LCT: variants seen among roughly 807,000 people sequenced by gnomAD.
LCT encodes the protein lactase/phlorizin hydrolase.
Under a neutral mutation model 173.0 loss-of-function variants are expected in LCT, and 90 were observed. That is an observed-to-expected ratio of 0.52 (90% CI 0.44 to 0.62). The LOEUF (loss-of-function observed/expected upper bound fraction) is 0.62, where lower values mean the gene tolerates loss of function less well. Among genes scored for constraint, LCT ranks in the 20% least tolerant of loss-of-function variants. The probability of loss-of-function intolerance (pLI) is 0.00; values close to 1 mark genes in which losing one functional copy is unlikely to be tolerated. For missense variants in LCT, 1,864 were observed against 2,431.4 expected (o/e 0.77, Z 4.91); for synonymous variants, 853 against 957.6 (o/e 0.89, Z 2.02).
rs1489291223 is a variant in LCT, at chr2:135,800,166, G to A, written c.4866+441C>T. Among the ~76,000 whole-genome samples, 8 of 152,144 alleles carry A rather than the reference G, an allele frequency of 5.3e-5. No individual in the cohort carries two copies. The South Asian group carries it at 1.4e-3, about 28-fold the overall frequency. On this transcript the variant is annotated intron_variant, in intron 12 of 16. Coordinates refer to ENST00000264162, the MANE Select transcript of LCT (RefSeq NM_002299.4). ...TTTGAAGTTGAGGAAACTAAGGTAC[G>A]AAAAAGTTAGATGATTTTCCCAAGC...
In LCT at chr2:135,817,488, C is replaced by T; in HGVS notation, c.1560G>A (p.Leu520=). ...TGGAGAAGCAGAAGGCCGCATAGTC[C>T]AGGAAGGCATCCACCACGCTCTCAT... The part of the protein sequence containing the change: ...WQNESVVDAF[L]DYAAFCFSTF... Residue 520 remains leucine, a synonymous_variant, in exon 6 of 17, where the codon CTG becomes CTA. Transcript: ENST00000264162. 6.2e-7 allele frequency: 1 copy of T among 1,614,202 alleles called. No individual in the cohort carries two copies. The highest frequency in any genetic ancestry group is 2.2e-5 in the East Asian group (1 of 44,864).
At chr2:135,833,734 C>A (rs916491956) in intron 1 of LCT, among the ~76,000 whole-genome samples, 1 of 151,920 alleles carries the variant, frequency 6.6e-6, no homozygotes, top group African/African-American at 2.4e-5. Context: ...GCGTGAGCCA[C>A]CGCGCCCGGC....
chr2:135,813,984 A>C (rs1364980260), intron 6 of LCT, among the ~76,000 whole-genome samples: 1 of 152,232 alleles, frequency 6.6e-6, no homozygotes, highest in Non-Finnish European at 1.5e-5. Flanking sequence ...TAACTTGTTA[A>C]CTTGGACAAT....
chr2:135,834,407 G>A (rs151106212), intron 1 of LCT, among the ~76,000 whole-genome samples: 1 of 150,442 alleles, frequency 6.6e-6, no homozygotes. Flanking sequence ...GGATGGTCTC[G>A]ATCTTCTGAC....
chr2:135,798,090 T>A lies in LCT; in HGVS notation c.4915A>T (p.Asn1639Tyr), dbSNP rs1176725189. 6.2e-7 allele frequency: 1 copy of A among 1,612,630 alleles called. No homozygotes were observed. The highest frequency in any genetic ancestry group is 8.5e-7 in the Non-Finnish European group (1 of 1,178,806). Residue 1639 changes from asparagine to tyrosine, a missense_variant, in exon 13 of 17, where the codon AAT (asparagine) becomes TAT (tyrosine). Physicochemically the swap from Asn to Tyr is moderately radical, Grantham distance 143 (BLOSUM62 -2). Coordinates refer to ENST00000264162, the MANE Select transcript of LCT (RefSeq NM_002299.4). ...AHPIFKNGDYNEVMKTRIRDR... is the reference protein window; with the variant it reads ...AHPIFKNGDYYEVMKTRIRDR... Reference sequence around the variant, plus strand: ...CGGATCCGCGTCTTCATCACCTCATTGTAATCTCCATTCTTGAAAATAGGA... The same window carrying A: ...CGGATCCGCGTCTTCATCACCTCATAGTAATCTCCATTCTTGAAAATAGGA...
chr2:135,829,884 T>C (rs945362575), intron 2 of LCT, among the ~76,000 whole-genome samples: 41 of 150,042 alleles, frequency 2.7e-4, no homozygotes, highest in African/African-American at 8.8e-4. Context: ...TGTGCCTGTA[T>C]GTTGTTGGGA....
chr2:135,823,581 A>G (rs1282160610), intron 4 of LCT, among the ~76,000 whole-genome samples: 2 of 152,172 alleles, frequency 1.3e-5, no homozygotes, highest in African/African-American at 4.8e-5. Flanking sequence ...CAGAGATGAG[A>G]GACCTTGGAG....
At chr2:135,799,346 G>A (rs1245144424) in intron 12 of LCT, among the ~76,000 whole-genome samples, 2 of 152,144 alleles carry the variant, frequency 1.3e-5, no homozygotes, top group Non-Finnish European at 2.9e-5. Context: ...ATGTAGGAGA[G>A]AGCACCTTCT....
intron 3 of LCT, 128 bp downstream of exon 3, chr2:135,829,465 C>T: frequency 1.3e-6 from 1 of 771,374 alleles, no homozygotes; most frequent in Non-Finnish European, 2.3e-6. Context: ...TCTCCCCAGA[C>T]ACAACTCAGC....
chr2:135,818,527 A>C (rs1166330815), intron 5 of LCT, among the ~76,000 whole-genome samples: 1 of 152,216 alleles, frequency 6.6e-6, no homozygotes, highest in Non-Finnish European at 1.5e-5. Flanking sequence ...CTCATCCTAC[A>C]CAGGAGGAAA....
Position 135,789,559 on chromosome 2 carries a change from G to A in LCT, c.5563+12C>T. 1 of 1,602,098 alleles carries A rather than the reference G, an allele frequency of 6.2e-7. No individual in the cohort carries two copies. Among genetic ancestry groups the A allele is most frequent in the Non-Finnish European group, 8.5e-7 (1 of 1,169,746 alleles). ...CCCTTAGGCTTTATTCCCTCCCAGA[G>A]CCACATCTCACCTGGCTGGTGGAGA... On this transcript the variant is annotated intron_variant, in intron 16 of 16. Coordinates refer to ENST00000264162, the MANE Select transcript of LCT (RefSeq NM_002299.4).
In LCT at chr2:135,824,020, C is replaced by A; in HGVS notation, c.805-17G>T. On this transcript the variant is annotated splice_polypyrimidine_tract_variant and intron_variant, in intron 3 of 16. Transcript: ENST00000264162. ...CTCAATGGTCTGAAAAAGAGAAGGA[C>A]CAGCAAGTGAACTGAAGCCTCCTGG... 1 of 1,550,830 alleles carries A rather than the reference C, an allele frequency of 6.4e-7. No homozygotes were observed. The highest frequency in any genetic ancestry group is 8.9e-7 in the Non-Finnish European group (1 of 1,122,346).
chr2:135,832,630 A>ATGCATCACCATGCCT (rs1282463437), intron 2 of LCT, among the ~76,000 whole-genome samples: 1 of 151,680 alleles, frequency 6.6e-6, no homozygotes, highest in East Asian at 2.0e-4. Flanking sequence ...AACTACAGGC[A>ATGCATCACCATGCCT]TGCATCACCA....
At chr2:135,792,947 G>A (rs2077544189) in intron 14 of LCT, among the ~76,000 whole-genome samples, 1 of 152,166 alleles carries the variant, frequency 6.6e-6, no homozygotes, top group Non-Finnish European at 1.5e-5. Context: ...GGCAGTGGAA[G>A]GGGAAAGCAC....
At chr2:135,831,525 T>C (rs928040385) in intron 2 of LCT, among the ~76,000 whole-genome samples, 1 of 152,200 alleles carries the variant, frequency 6.6e-6, no homozygotes, top group Non-Finnish European at 1.5e-5. Flanking sequence ...CAGCATGGAC[T>C]GGGGCAGATA....
intron 6 of LCT, among the ~76,000 whole-genome samples, chr2:135,814,093 C>T (rs1246304831): frequency 6.6e-6 from 1 of 152,184 alleles, no homozygotes; most frequent in Non-Finnish European, 1.5e-5. Flanking sequence ...TGAGCAGAAA[C>T]TCAGAGAGCA....
intron 13 of LCT, among the ~76,000 whole-genome samples, chr2:135,795,051 A>G (rs1387577233): frequency 1.3e-5 from 2 of 152,078 alleles, no homozygotes; most frequent in African/African-American, 4.8e-5. Flanking sequence ...GCGCGCACAC[A>G]CACACACACA....
At chr2:135,801,902 A>C (rs914432085) in intron 11 of LCT, among the ~76,000 whole-genome samples, 1 of 152,072 alleles carries the variant, frequency 6.6e-6, no homozygotes, top group Admixed American at 6.5e-5. Flanking sequence ...AGGGTCATGC[A>C]CTGTCATCCA....
intron 14 of LCT, among the ~76,000 whole-genome samples, chr2:135,794,015 C>T (rs1483085998): frequency 6.6e-6 from 1 of 151,462 alleles, no homozygotes; most frequent in Non-Finnish European, 1.5e-5. Context: ...AGGTACGCGC[C>T]TGTAATCCCA....
Sources: gnomAD v4.1 joint callset for allele counts (sites outside exome capture counted in the v4.1 genomes callset) on GRCh38, gnomAD v4.1.1 for gene constraint, MANE v1.5 for transcripts, NCBI Gene and HGNC (gene_info 2026-07-23, HGNC 2026-07-21) for gene names.